Variants in USP42 observed in about 807,000 individuals in gnomAD.
USP42 encodes ubiquitin carboxyl-terminal hydrolase 42.
A neutral mutation model predicts 113.0 loss-of-function variants in USP42; 23 were observed. That is an observed-to-expected ratio of 0.20 (90% CI 0.15 to 0.29). USP42 has a LOEUF of 0.29. Ranked by LOEUF, USP42 falls within the 10% of genes least tolerant of loss-of-function variation. The pLI is 1.00. For missense variants in USP42, 2,174 were observed against 1,779.8 expected (o/e 1.22, Z -3.99); for synonymous variants, 933 against 699.0 (o/e 1.33, Z -5.28).
intron 15 of USP42, 126 bp from the exon 16 acceptor site, chr7:6,156,628 A>C: frequency 7.3e-7 from 1 of 1,370,232 alleles, no homozygotes; most frequent in Non-Finnish European, 9.4e-7. Flanking sequence ...GTGGCTAATT[A>C]GATAAGAATT....
the USP42 span, among the ~76,000 whole-genome samples, chr7:6,098,365 C>T: frequency 6.7e-6 from 1 of 149,918 alleles, no homozygotes; most frequent in African/African-American, 2.5e-5. Flanking sequence ...ACCCCTTGAT[C>T]TAGGCCCCGT....
chr7:6,145,011 C>T (rs112688359), intron 9 of USP42, among the ~76,000 whole-genome samples: 57 of 152,200 alleles, frequency 3.7e-4, no homozygotes, highest in Middle Eastern at 3.4e-3. Flanking sequence ...ACTTAGATTC[C>T]GCTATCCTCC....
chr7:6,160,219 T>G (rs750366607), intron 17 of USP42, among the ~76,000 whole-genome samples: 1 of 152,344 alleles, frequency 6.6e-6, no homozygotes, highest in Non-Finnish European at 1.5e-5. Flanking sequence ...GTGGATTAAT[T>G]GGCCGTTAAT....
At chr7:6,082,192 G>C in the USP42 span, among the ~76,000 whole-genome samples, 9 of 151,324 alleles carry the variant, frequency 5.9e-5, no homozygotes, top group African/African-American at 1.9e-4. Context: ...GCAGTGGCGC[G>C]ATCTCGGCTC....
At chr7:6,114,397 G>A (rs554934175) in intron 2 of USP42, among the ~76,000 whole-genome samples, 3 of 151,872 alleles carry the variant, frequency 2.0e-5, no homozygotes, top group Non-Finnish European at 2.9e-5. Context: ...TCATGTAGCC[G>A]TCAACCAACT....
chr7:6,101,053 T>TTGTACCTCCCTA (rs1562789582), upstream of USP42, among the ~76,000 whole-genome samples: 5 of 150,736 alleles, frequency 3.3e-5, no homozygotes, highest in Non-Finnish European at 7.4e-5. Context: ...AATTTGGCCT[T>TTGTACCTCCCTA]GAGGGGAGCG....
chr7:6,153,378 T>C (rs1488319589), intron 14 of USP42, among the ~76,000 whole-genome samples: 1 of 152,098 alleles, frequency 6.6e-6, no homozygotes, highest in Admixed American at 6.5e-5. Flanking sequence ...TCTAGGATTA[T>C]TGTTTTGAAA....
rs919043346 is a variant in USP42, at chr7:6,157,149, G to C, written c.3943+94G>C. 2.5e-5 allele frequency: 36 copies of C among 1,446,518 alleles called. No individual in the cohort carries two copies. Among genetic ancestry groups the C allele is most frequent in the Non-Finnish European group, 3.0e-5 (33 of 1,105,912 alleles). 89.6% of individuals were successfully genotyped at this position (1,446,518 alleles called of 1,614,324 possible). On this transcript the variant is annotated intron_variant, in intron 16 of 17. Transcript: ENST00000306177. The surrounding 1 kb of genome is among the most constrained non-coding windows in gnomAD (Gnocchi z 4.1). Reference sequence around the variant, plus strand: ...TTAACATGTAGAAAGAAAACCTCAGGTGGCATCAAAGGGCACAGTTACTCA... The same window carrying C: ...TTAACATGTAGAAAGAAAACCTCAGCTGGCATCAAAGGGCACAGTTACTCA...
At chr7:6,142,889 A>G in intron 7 of USP42, 43 bp from the exon 8 acceptor site, 1 of 1,597,538 alleles carries the variant, frequency 6.3e-7, no homozygotes, top group Non-Finnish European at 8.6e-7. Flanking sequence ...AACACAAGTG[A>G]CGGTGTGCGG....
In USP42 at chr7:6,144,073, G is replaced by C. The variant is rs761656048; in HGVS notation, c.879-12G>C. 2.0e-6 allele frequency: 3 copies of C among 1,516,818 alleles called. No homozygotes were observed. The Admixed American group carries it at 7.3e-5, about 37-fold the overall frequency. The allele number at this position is 1,516,818 out of a possible 1,614,324, so 94.0% of individuals were successfully genotyped here. On this transcript the variant is annotated splice_polypyrimidine_tract_variant and intron_variant, in intron 8 of 17. Coordinates refer to ENST00000306177, the MANE Select transcript of USP42 (RefSeq NM_032172.3). Reference sequence around the variant, plus strand: ...TTCGTCTTCTTATACTTTTGTTTCTGTTTGTTTCAAGGTGTAAAAAGATGG... The same window carrying C: ...TTCGTCTTCTTATACTTTTGTTTCTCTTTGTTTCAAGGTGTAAAAAGATGG...
At chr7:6,155,553 T>A (rs1782397107) in intron 15 of USP42, among the ~76,000 whole-genome samples, 1 of 152,170 alleles carries the variant, frequency 6.6e-6, no homozygotes, top group South Asian at 2.1e-4. Flanking sequence ...GGTGTTAATA[T>A]TCTTACTTGT....
chr7:6,112,726 T>C (rs888707907), intron 2 of USP42, among the ~76,000 whole-genome samples: 10 of 152,056 alleles, frequency 6.6e-5, no homozygotes, highest in Non-Finnish European at 2.9e-5. Context: ...ATTGAGTTTT[T>C]TTGAGATTTT....
chr7:6,133,109 A>T (rs1037157528), intron 3 of USP42, among the ~76,000 whole-genome samples: 23 of 152,100 alleles, frequency 1.5e-4, no homozygotes, highest in African/African-American at 5.6e-4. Context: ...ATTTCTGTCA[A>T]ATTTGGACAA....
chr7:6,156,752 A>G lies in USP42; in HGVS notation c.3642-2A>G. 6.5e-7 allele frequency: 1 copy of G among 1,529,732 alleles called. No homozygotes were observed. Among genetic ancestry groups the G allele is most frequent in the Non-Finnish European group, 8.7e-7 (1 of 1,143,018 alleles). 94.8% of individuals were successfully genotyped at this position (1,529,732 alleles called of 1,614,324 possible). On this transcript the variant is annotated splice_acceptor_variant, in intron 15 of 17. Coordinates refer to ENST00000306177, the MANE Select transcript of USP42 (RefSeq NM_032172.3). LOFTEE classifies it high-confidence loss of function. ...TTTGAATTCTGGCTTTTCCTTCTGC[A>G]GGCATCAGCAGGACTCAGACCTCTC...
intron 2 of USP42, 97 bp from the exon 3 acceptor site, chr7:6,115,226 G>C (rs940825340): frequency 2.7e-5 from 33 of 1,232,122 alleles, no homozygotes; most frequent in Non-Finnish European, 3.7e-5. Flanking sequence ...ATGAGATTTC[G>C]GATCTTGTAA....
chr7:6,092,053 C>CTTCTTCTTCTTCT, the USP42 span, among the ~76,000 whole-genome samples: 4 of 41,696 alleles, frequency 9.6e-5, no homozygotes, highest in Admixed American at 2.8e-4. Context: ...TCTTCTTCTT[C>CTTCTTCTTCTTCT]TTTCTTCTTC....
In USP42 at chr7:6,159,594, C is replaced by A; in HGVS notation, c.*36+101C>A. 1 of 1,264,084 alleles carries A rather than the reference C, an allele frequency of 7.9e-7. No homozygotes were observed. Among genetic ancestry groups the A allele is most frequent in the Non-Finnish European group, 1.1e-6 (1 of 893,992 alleles). The allele number at this position is 1,264,084 out of a possible 1,614,324, so 78.3% of individuals were successfully genotyped here. On this transcript the variant is annotated intron_variant, in intron 17 of 17. Transcript: ENST00000306177. This position sits in a 1 kb window ranked among gnomAD's most constrained non-coding sequence, Gnocchi z 4.1. ...TGCGGCTCTGCCTGGGGGCTGGGCT[C>A]ATAGGAGTTGGCAGAGCCATGGAGA...
chr7:6,117,017 TCTTTTCCCAG>T (rs1779949306), intron 3 of USP42: 1 of 379,310 alleles, frequency 2.6e-6, no homozygotes, highest in Non-Finnish European at 5.1e-6. Context: ...TTTCTCTCTC[TCTTTTCCCAG>T]CTTTACTGAA....
chr7:6,142,522 T>C (rs2128506834), intron 7 of USP42, among the ~76,000 whole-genome samples: 1 of 152,146 alleles, frequency 6.6e-6, no homozygotes, highest in Non-Finnish European at 1.5e-5. Flanking sequence ...GCCCGGAAAA[T>C]TTTCTTTTTA....
Sources: allele counts gnomAD v4.1 joint callset (sites outside exome capture counted in the v4.1 genomes callset), GRCh38; gene constraint gnomAD v4.1.1; non-coding constraint Gnocchi (gnomAD v3.1); transcripts MANE v1.5; gene names NCBI Gene and HGNC (gene_info 2026-07-23, HGNC 2026-07-21).